CDC73: variants seen among roughly 807,000 people sequenced by gnomAD.
CDC73 encodes the protein cell division cycle 73.
Under a neutral mutation model 83.7 loss-of-function variants are expected in CDC73, and 21 were observed. The ratio of observed to expected loss-of-function variants is 0.25; its 90% CI spans 0.18 to 0.36. The LOEUF (loss-of-function observed/expected upper bound fraction) is 0.36. CDC73 is among the 10% of genes least tolerant of loss of function. CDC73 has a pLI of 1.00. For synonymous variants in CDC73, 224 were observed against 212.9 expected (o/e 1.05, Z -0.45); for missense variants, 342 against 653.3 (o/e 0.52, Z 5.19).
chr1:193,229,776 C>G (rs983640967), intron 13 of CDC73, among the ~76,000 whole-genome samples: 16 of 152,118 alleles, frequency 1.1e-4, no homozygotes, highest in Admixed American at 7.2e-4. Context: ...TTATCAGAAA[C>G]ATTACATTGA....
At chr1:193,151,456 C>T (rs942604256) in intron 9 of CDC73, among the ~76,000 whole-genome samples, 4 of 152,124 alleles carry the variant, frequency 2.6e-5, no homozygotes, top group Non-Finnish European at 2.9e-5. Flanking sequence ...AATTGGGTTG[C>T]CCCCAATTGA....
At chr1:193,127,420 TAAAAAA>T (rs1675598784) in intron 2 of CDC73, among the ~76,000 whole-genome samples, 1 of 151,922 alleles carries the variant, frequency 6.6e-6, no homozygotes, top group African/African-American at 2.4e-5. Flanking sequence ...GTTACATATT[TAAAAAA>T]ATAAAATTAG....
chr1:193,141,033 A>T (rs989940404), intron 6 of CDC73: 1 of 152,264 alleles, frequency 6.6e-6, no homozygotes, highest in African/African-American at 2.4e-5. Flanking sequence ...GTATAATACT[A>T]CTGTATTTAA....
chr1:193,135,731 A>G (rs941270371), intron 5 of CDC73, 142 bp downstream of exon 5: 6 of 663,198 alleles, frequency 9.0e-6, no homozygotes, highest in Non-Finnish European at 1.3e-5. Context: ...CAATTGATTA[A>G]TAAGTAGCTC....
intron 13 of CDC73, among the ~76,000 whole-genome samples, chr1:193,227,423 G>A (rs1336854373): frequency 4.0e-5 from 6 of 151,662 alleles, no homozygotes; most frequent in Non-Finnish European, 8.8e-5. Context: ...CTTGAGCCCA[G>A]GAGTTTGAAG....
At chr1:193,213,544 G>A (rs1248840213) in intron 13 of CDC73, among the ~76,000 whole-genome samples, 1 of 152,154 alleles carries the variant, frequency 6.6e-6, no homozygotes, top group Non-Finnish European at 1.5e-5. Context: ...TCTTTCAGAG[G>A]ATAAGAGAGA....
intron 7 of CDC73, 56 bp from the exon 8 acceptor site, chr1:193,147,811 T>G: frequency 1.1e-6 from 1 of 945,214 alleles, no homozygotes; most frequent in Non-Finnish European, 1.7e-6. Context: ...AATTATCAAC[T>G]AAATTTACTA....
intron 2 of CDC73, among the ~76,000 whole-genome samples, chr1:193,127,234 A>G (rs961028856): frequency 4.0e-5 from 6 of 151,778 alleles, no homozygotes; most frequent in Non-Finnish European, 7.4e-5. Flanking sequence ...TGATCACACC[A>G]ATGCATCTAT....
intron 15 of CDC73, among the ~76,000 whole-genome samples, chr1:193,240,471 C>T (rs961472697): frequency 3.3e-5 from 5 of 152,188 alleles, no homozygotes; most frequent in African/African-American, 1.2e-4. Flanking sequence ...ACTTATATTT[C>T]CACCAACAGT....
chr1:193,234,312 AATAT>A (rs200011626), intron 14 of CDC73, among the ~76,000 whole-genome samples: 5 of 140,384 alleles, frequency 3.6e-5, no homozygotes, highest in South Asian at 2.2e-4. Context: ...TATAATTTAA[AATAT>A]ATATATATTT....
At chr1:193,222,067 A>G (rs949456762) in intron 13 of CDC73, among the ~76,000 whole-genome samples, 1 of 152,240 alleles carries the variant, frequency 6.6e-6, no homozygotes, top group Non-Finnish European at 1.5e-5. Context: ...ACCCTTTAAC[A>G]TGCTAACAAA....
chr1:193,148,327 T>C (rs2103130872), intron 8 of CDC73, among the ~76,000 whole-genome samples: 2 of 152,324 alleles, frequency 1.3e-5, no homozygotes, highest in South Asian at 4.1e-4. Flanking sequence ...GGGGTTCTTT[T>C]TGGCATTGTA....
At position 193,250,015 on chromosome 1, in the gene CDC73, A is replaced by G. The variant is rs78793150; in HGVS notation, c.1559+144A>G. ...ACTTGATGCTTATCTTCAGTACATA[A>G]TTAACAATTTTTTATTGTATAATTA... On this transcript the variant is annotated intron_variant, in intron 16 of 16. Coordinates refer to ENST00000367435, the MANE Select transcript of CDC73 (RefSeq NM_024529.5). The G allele has an allele frequency of 8.2e-4, 621 of 757,528 alleles. 4 individuals are homozygous for G. The highest frequency in any genetic ancestry group is 6.7e-3 in the African/African-American group (380 of 56,992). The allele number at this position is 757,528 out of a possible 1,614,324, so 46.9% of individuals were successfully genotyped here. A position where few individuals can be genotyped will look rare whatever the true frequency, so the allele number is the denominator to read the frequency against.
intron 7 of CDC73, among the ~76,000 whole-genome samples, chr1:193,143,578 G>T (rs12137318): frequency 0.62 from 94,832 of 152,000 alleles, 30,023 homozygotes; most frequent in South Asian, 0.77. Flanking sequence ...GTTAATAAAA[G>T]AATTGTTTTG....
chr1:193,230,973 T>G (rs1007508224), intron 13 of CDC73, among the ~76,000 whole-genome samples: 5 of 152,202 alleles, frequency 3.3e-5, no homozygotes, highest in African/African-American at 1.2e-4. Flanking sequence ...TGCTACAGCA[T>G]CTAAAAATTC....
At chr1:193,158,110 AG>A (rs1376895233) in intron 10 of CDC73, among the ~76,000 whole-genome samples, 1 of 150,826 alleles carries the variant, frequency 6.6e-6, no homozygotes, top group Non-Finnish European at 1.5e-5. Flanking sequence ...ATATGTATTT[AG>A]TATTGTTAAT....
At chr1:193,220,668 A>AT (rs1392624653) in intron 13 of CDC73, among the ~76,000 whole-genome samples, 1 of 152,110 alleles carries the variant, frequency 6.6e-6, no homozygotes, top group East Asian at 1.9e-4. Context: ...TTTTTAAAAA[A>AT]TTTTTAGTAC....
intron 11 of CDC73, among the ~76,000 whole-genome samples, chr1:193,208,474 TA>T (rs1381422082): frequency 2.0e-5 from 3 of 152,226 alleles, no homozygotes; most frequent in Non-Finnish European, 4.4e-5. Flanking sequence ...AATTGGAATT[TA>T]AAACAAAAAC....
intron 13 of CDC73, among the ~76,000 whole-genome samples, chr1:193,214,090 A>G (rs1440327458): frequency 1.3e-5 from 2 of 152,174 alleles, no homozygotes; most frequent in Non-Finnish European, 2.9e-5. Flanking sequence ...CTCTAGTTCC[A>G]GTTCCTCTGT....
Sources: gnomAD v4.1 joint callset for allele counts (sites outside exome capture counted in the v4.1 genomes callset) on GRCh38, gnomAD v4.1.1 for gene constraint, MANE v1.5 for transcripts, NCBI Gene and HGNC (gene_info 2026-07-23, HGNC 2026-07-21) for gene names.